Variants in TLK1 observed in about 807,000 individuals in gnomAD.
TLK1 encodes the protein serine/threonine-protein kinase tousled-like 1.
Under a neutral mutation model 105.3 loss-of-function variants are expected in TLK1, and 24 were observed. That is an observed-to-expected ratio of 0.23 (90% CI 0.17 to 0.32). TLK1 has a LOEUF of 0.32. Ranked by LOEUF, TLK1 falls within the 10% of genes least tolerant of loss-of-function variation. The pLI is 1.00. For missense variants in TLK1, 558 were observed against 910.5 expected, an observed-to-expected ratio of 0.61 and a Z score of 4.98; for synonymous variants, 321 against 310.4, an observed-to-expected ratio of 1.03 and a Z score of -0.36.
intron 12 of TLK1, among the ~76,000 whole-genome samples, chr2:171,022,593 A>G (rs971479314): frequency 1.3e-5 from 2 of 152,198 alleles, no homozygotes; most frequent in African/African-American, 4.8e-5. Context: ...ATCATGTACA[A>G]TGTAGTTGGC....
chr2:171,011,211 G>A (rs770803994), intron 14 of TLK1, among the ~76,000 whole-genome samples, 162 bp downstream of exon 14: 4 of 152,044 alleles, frequency 2.6e-5, no homozygotes, highest in African/African-American at 4.8e-5. Flanking sequence ...ATGTTGCCCA[G>A]GTTGGTCTCA....
At chr2:171,028,972 C>T (rs1433806182) in intron 11 of TLK1, among the ~76,000 whole-genome samples, 1 of 151,936 alleles carries the variant, frequency 6.6e-6, no homozygotes, top group African/African-American at 2.4e-5. Context: ...AACAAAAAGA[C>T]AACCATGAGA....
chr2:171,207,074 A>G (rs1478937219), intron 1 of TLK1, among the ~76,000 whole-genome samples: 1 of 152,250 alleles, frequency 6.6e-6, no homozygotes, highest in Admixed American at 6.5e-5. Context: ...ATTGAAATCT[A>G]TGTCTACAAA....
intron 1 of TLK1, chr2:171,154,605 G>A (rs1419117133): frequency 6.6e-6 from 1 of 152,170 alleles, no homozygotes; most frequent in South Asian, 2.1e-4. Flanking sequence ...ACTTGCCCAA[G>A]GTCACACAGC....
chr2:171,056,373 T>C, intron 6 of TLK1, 98 bp downstream of exon 6: 3 of 861,410 alleles, frequency 3.5e-6, no homozygotes, highest in South Asian at 1.8e-5. Flanking sequence ...AACTTATTTA[T>C]ATAGAAGTTC....
At chr2:171,177,327 A>G (rs1692848754) in intron 1 of TLK1, among the ~76,000 whole-genome samples, 1 of 146,546 alleles carries the variant, frequency 6.8e-6, no homozygotes, top group South Asian at 2.2e-4. Flanking sequence ...TTTTTTGTAG[A>G]GATGGTTTTT....
At chr2:171,164,420 A>G (rs1316649592), upstream of TLK1, among the ~76,000 whole-genome samples, 1 of 152,206 alleles carries the variant, frequency 6.6e-6, no homozygotes, top group Non-Finnish European at 1.5e-5. Flanking sequence ...TCAGGAGGCC[A>G]AGGTGGGAGG....
intron 11 of TLK1, among the ~76,000 whole-genome samples, chr2:171,039,523 G>A (rs969935907): frequency 6.6e-6 from 1 of 152,174 alleles, no homozygotes; most frequent in Admixed American, 6.5e-5. Flanking sequence ...CTCCTAAAGT[G>A]GCAGGATTAC....
At chr2:171,138,036 A>T (rs1691408407) in intron 1 of TLK1, among the ~76,000 whole-genome samples, 1 of 152,114 alleles carries the variant, frequency 6.6e-6, no homozygotes, top group Non-Finnish European at 1.5e-5. Context: ...ATCCTATAAA[A>T]GTTAAATTAT....
chr2:171,112,248 C>A (rs780180421), intron 2 of TLK1, among the ~76,000 whole-genome samples: 7 of 152,146 alleles, frequency 4.6e-5, no homozygotes, highest in Non-Finnish European at 8.8e-5. Context: ...CCACGCCTGG[C>A]CTGATAAATG....
chr2:171,099,543 T>C (rs537818815), intron 2 of TLK1, among the ~76,000 whole-genome samples: 1 of 152,036 alleles, frequency 6.6e-6, no homozygotes, highest in African/African-American at 2.4e-5. Context: ...GGACCCAGAA[T>C]AGCCAAAATA....
At chr2:171,087,777 T>C (rs2105484435) in intron 2 of TLK1, among the ~76,000 whole-genome samples, 1 of 152,330 alleles carries the variant, frequency 6.6e-6, no homozygotes, top group East Asian at 1.9e-4. Flanking sequence ...CTTGTCATCA[T>C]AAATGCTGGA....
chr2:171,050,171 T>C lies in TLK1; in HGVS notation c.736A>G (p.Asn246Asp). Reference protein sequence around the residue: ...EGRIDDLLRANCDLRRQIDEQ... With the variant: ...EGRIDDLLRADCDLRRQIDEQ... ...TCTATTTGCCGTCTGAGATCACAGT[T>C]AGCCTATGACATAAGTAGAAAATGC... Residue 246 changes from asparagine to aspartate, a missense_variant, in exon 9 of 21, where the codon AAC becomes GAC. Physicochemically the swap from Asn to Asp is conservative, Grantham distance 23 (BLOSUM62 1). Transcript: ENST00000431350. The C allele has an allele frequency of 6.3e-7, 1 of 1,593,626 alleles. No homozygotes were observed. The highest frequency in any genetic ancestry group is 8.6e-7 in the Non-Finnish European group (1 of 1,167,470).
intron 2 of TLK1, among the ~76,000 whole-genome samples, chr2:171,106,015 C>T (rs1689908159): frequency 1.3e-5 from 2 of 152,196 alleles, no homozygotes; most frequent in African/African-American, 4.8e-5. Context: ...CAATGGAATA[C>T]TATTTCACCA....
chr2:171,187,057 C>CAAAAAA (rs71013019), intron 1 of TLK1, among the ~76,000 whole-genome samples: 626 of 32,798 alleles, frequency 0.019, 31 homozygotes, highest in African/African-American at 0.044. Context: ...GACTCTGTCT[C>CAAAAAA]AAAAAAAAAA....
rs1683899128 is a variant in TLK1 at position 170,993,684 on chromosome 2, A to AG, written c.*95_*96insC. The AG allele has an allele frequency of 3.0e-6, 3 of 993,482 alleles. No homozygotes were observed. The highest frequency in any genetic ancestry group is 3.0e-5 in the South Asian group (1 of 32,916). 61.5% of individuals were successfully genotyped at this position (993,482 alleles called of 1,614,324 possible). Reference sequence around the variant, plus strand: ...CGTCTTGTGTAAAAAAAAAAAAAAAAAAAAAAGAAAAAGAAAACAAACACT... The same window carrying AG: ...CGTCTTGTGTAAAAAAAAAAAAAAAAGAAAAAAGAAAAAGAAAACAAACACT... On this transcript the variant is annotated 3_prime_UTR_variant, in exon 21 of 21. Transcript: ENST00000431350.
intron 1 of TLK1, among the ~76,000 whole-genome samples, chr2:171,127,607 C>T (rs1690923826): frequency 6.6e-6 from 1 of 151,926 alleles, no homozygotes; most frequent in African/African-American, 2.4e-5. Context: ...TCAATAAACC[C>T]ATTTCCTACA....
intron 8 of TLK1, 71 bp downstream of exon 8, chr2:171,053,690 A>T: frequency 8.0e-7 from 1 of 1,248,122 alleles, no homozygotes; most frequent in Non-Finnish European, 1.1e-6. Context: ...AATGCTAAGT[A>T]TTTTCTGAAC....
At position 171,083,375 on chromosome 2, in the gene TLK1, TTTAA is replaced by T. The variant is rs375614799; in HGVS notation, c.259-527_259-524del. On this transcript the variant is annotated intron_variant, in intron 2 of 20. Coordinates refer to ENST00000431350, the MANE Select transcript of TLK1 (RefSeq NM_012290.5). The stretch of plus-strand genomic sequence containing the variant: ...AAACATCTTTGACCATCTCGACCAT[TTTAA>T]TTAATTGCTTTGCTCAAGAATTTCT... 5.4e-4 allele frequency among the ~76,000 whole-genome samples: 83 copies of T among 152,298 alleles called. 2 individuals are homozygous for T. In the East Asian group the frequency reaches 0.011, roughly 21 times the overall value.
Sources: gnomAD v4.1 joint callset for allele counts (sites outside exome capture counted in the v4.1 genomes callset) on GRCh38, gnomAD v4.1.1 for gene constraint, MANE v1.5 for transcripts, NCBI Gene and HGNC (gene_info 2026-07-23, HGNC 2026-07-21) for gene names.